Variants in LOXL1 observed in about 807,000 individuals in gnomAD.
LOXL1 encodes the protein lysyl oxidase like 1, also known as lysyl oxidase homolog 1.
A neutral mutation model predicts 62.2 loss-of-function variants in LOXL1; 31 were observed. The ratio of observed to expected loss-of-function variants is 0.50; its 90% CI spans 0.37 to 0.67. The LOEUF (loss-of-function observed/expected upper bound fraction) is 0.67. Among genes scored for constraint, LOXL1 ranks in the 30% least tolerant of loss-of-function variants. The pLI is 0.00. For synonymous variants in LOXL1, 403 were observed against 384.4 expected (o/e 1.05, Z -0.56); for missense variants, 775 against 843.4 (o/e 0.92, Z 1.00).
rs2068743057 is a variant in LOXL1 at position 73,945,737 on chromosome 15, G to C, written c.1212-680G>C. 6.6e-6 allele frequency among the ~76,000 whole-genome samples: 1 copy of C among 151,544 alleles called. No homozygotes were observed. Among genetic ancestry groups the C allele is most frequent in the Non-Finnish European group, 1.5e-5 (1 of 67,914 alleles). On this transcript the variant is annotated intron_variant, in intron 2 of 6. Transcript: ENST00000261921. This position sits in a 1 kb window ranked among gnomAD's most constrained non-coding sequence, Gnocchi z 4.3. Reference sequence around the variant, plus strand: ...TTTTTTTTTTCTTTTTTTTAGAAAGGGGGTCTCACTCTGTTGCCCAGACTG... The same window carrying C: ...TTTTTTTTTTCTTTTTTTTAGAAAGCGGGTCTCACTCTGTTGCCCAGACTG...
intron 3 of LOXL1, 149 bp from the exon 4 acceptor site, chr15:73,946,918 C>T (rs546163345): frequency 1.2e-6 from 1 of 855,676 alleles, no homozygotes; most frequent in East Asian, 2.7e-5. Context: ...GAGGGGCCAC[C>T]CCGCAGTACT....
rs2068789601 is a variant in LOXL1 at position 73,951,821 on chromosome 15, C to T, written c.1719-10C>T. On this transcript the variant is annotated splice_polypyrimidine_tract_variant and intron_variant, in intron 6 of 6. Transcript: ENST00000261921. The stretch of plus-strand genomic sequence containing the variant: ...AGCCCCTCATTGACCCACTGTCTTT[C>T]CTTCCTCAGATCCTGATCTCCGGGA... 7 of 1,550,956 alleles carry T rather than the reference C, an allele frequency of 4.5e-6. No individual in the cohort carries two copies. The highest frequency in any genetic ancestry group is 6.1e-6 in the Non-Finnish European group (7 of 1,144,996).
chr15:73,942,100 G>A (rs1324744966), intron 1 of LOXL1: 1 of 156,970 alleles, frequency 6.4e-6, no homozygotes, highest in Non-Finnish European at 1.4e-5. Context: ...GTGTGGTCAG[G>A]TCTAGGGTGA....
chr15:73,951,263 C>T (rs997576589), intron 6 of LOXL1, among the ~76,000 whole-genome samples: 2 of 152,222 alleles, frequency 1.3e-5, no homozygotes, highest in African/African-American at 2.4e-5. Context: ...AAGCAGCCTG[C>T]GCGGCCCTCC....
chr15:73,936,974 G>A (rs971438334), intron 1 of LOXL1, among the ~76,000 whole-genome samples: 3 of 152,230 alleles, frequency 2.0e-5, no homozygotes, highest in Non-Finnish European at 4.4e-5. Flanking sequence ...GTGTTCAGGG[G>A]CCAGCTAGTT....
chr15:73,930,699 T>C lies in LOXL1; in HGVS notation c.1102+2814T>C, dbSNP rs551501167. 6.6e-6 allele frequency among the ~76,000 whole-genome samples: 1 copy of C among 151,942 alleles called. No individual in the cohort carries two copies. Among genetic ancestry groups the C allele is most frequent in the South Asian group, 2.1e-4 (1 of 4,812 alleles). The stretch of plus-strand genomic sequence containing the variant: ...AGCACCACCCACCTCCCTCCATGGG[T>C]GGGTGGTTTCCAAGCGCCTGTCCTG... On this transcript the variant is annotated intron_variant, in intron 1 of 6. Coordinates refer to ENST00000261921, the MANE Select transcript of LOXL1 (RefSeq NM_005576.4). The surrounding 1 kb of genome is among the most constrained non-coding windows in gnomAD (Gnocchi z 4.7).
chr15:73,939,744 G>A (rs1263004608), intron 1 of LOXL1, among the ~76,000 whole-genome samples: 2 of 152,320 alleles, frequency 1.3e-5, no homozygotes, highest in Middle Eastern at 3.4e-3. Context: ...ATTTCACTGT[G>A]TATAGAGTAC....
At chr15:73,946,583 C>A in intron 3 of LOXL1, 29 bp downstream of exon 3, 3 of 1,581,304 alleles carry the variant, frequency 1.9e-6, no homozygotes, top group Non-Finnish European at 2.6e-6. Flanking sequence ...GGCCCGTCCT[C>A]TTCCACTTCT....
chr15:73,926,497 C>T lies in LOXL1; in HGVS notation c.-287C>T. Reference sequence around the variant, plus strand: ...GGAAAGCGCCAGCCGAGCGGCCAGCCAGTGCGGGGCTGGCCATGTAAGGCC... The same window carrying T: ...GGAAAGCGCCAGCCGAGCGGCCAGCTAGTGCGGGGCTGGCCATGTAAGGCC... On this transcript the variant is annotated 5_prime_UTR_variant, in exon 1 of 7. Transcript: ENST00000261921. The T allele has an allele frequency of 2.9e-6, 1 of 347,706 alleles. No homozygotes were observed. Among genetic ancestry groups the T allele is most frequent in the Non-Finnish European group, 5.2e-6 (1 of 193,508 alleles). 21.5% of individuals were successfully genotyped at this position (347,706 alleles called of 1,614,324 possible). A position where few individuals can be genotyped will look rare whatever the true frequency, so the allele number is the denominator to read the frequency against.
In LOXL1 at chr15:73,927,884, C is replaced by T; in HGVS notation, c.1101C>T (p.Arg367=). 3 of 1,316,966 alleles carry T rather than the reference C, an allele frequency of 2.3e-6. No individual in the cohort carries two copies. Among genetic ancestry groups the T allele is most frequent in the Non-Finnish European group, 2.9e-6 (3 of 1,039,666 alleles). 81.6% of individuals were successfully genotyped at this position (1,316,966 alleles called of 1,614,324 possible). A position where few individuals can be genotyped will look rare whatever the true frequency, so the allele number is the denominator to read the frequency against. The part of the protein sequence containing the change: ...GSVYRPNQNG[R]GLPDLVPDPN... ...TGTACCGGCCCAACCAGAACGGCCG[C>T]GGTGAGTACGGCCCCGGCGCCCCTC... The change falls in exon 1 of 7, where the codon CGC becomes CGT. Residue 367 remains arginine (R), a splice_region_variant and synonymous_variant. Transcript: ENST00000261921.
chr15:73,947,590 A>G (rs567764464), intron 4 of LOXL1: 39 of 518,392 alleles, frequency 7.5e-5, no homozygotes, highest in Non-Finnish European at 1.1e-4. Context: ...TCTGCCATCC[A>G]TCTCGTCCCT....
chr15:73,941,030 C>G (rs761780891), intron 1 of LOXL1, among the ~76,000 whole-genome samples: 1 of 152,098 alleles, frequency 6.6e-6, no homozygotes, highest in Non-Finnish European at 1.5e-5. Flanking sequence ...AGCTACCCCA[C>G]CCTATACGCA....
At chr15:73,928,733 C>A (rs55899956) in intron 1 of LOXL1, among the ~76,000 whole-genome samples, 10,812 of 151,616 alleles carry the variant, frequency 0.071, 463 homozygotes, top group African/African-American at 0.11. Context: ...CGGATCCTGT[C>A]TTTATTTGAT....
In LOXL1 at chr15:73,946,430, C is replaced by A. The variant is rs779333618; in HGVS notation, c.1225C>A (p.Pro409Thr). The change falls in exon 3 of 7, where the codon CCT becomes ACT. Residue 409 changes from proline to threonine, a missense_variant. Transcript: ENST00000261921. ...CCGTCCCTGCAGCACAGCCTATGCC[C>A]CTGAGGCCACCGACTACGATGTGCG... The part of the protein sequence containing the change: ...EKCLASTAYA[P>T]EATDYDVRVL... 6.2e-7 allele frequency: 1 copy of A among 1,613,094 alleles called. No homozygotes were observed. The highest frequency in any genetic ancestry group is 1.1e-5 in the South Asian group (1 of 90,986).
rs200298719 is a variant in LOXL1, at chr15:73,951,857, G to A, written c.*20G>A. The stretch of plus-strand genomic sequence containing the variant: ...TCCTGATCTCCGGGAGGGACAGATG[G>A]CCAATCTCTCCCCTTCCAAAGCAGG... On this transcript the variant is annotated 3_prime_UTR_variant, in exon 7 of 7. Coordinates refer to ENST00000261921, the MANE Select transcript of LOXL1 (RefSeq NM_005576.4). 2,989 of 1,535,712 alleles carry A rather than the reference G, an allele frequency of 1.9e-3. 10 individuals are homozygous for A. The highest frequency in any genetic ancestry group is 2.3e-3 in the Non-Finnish European group (2,664 of 1,136,270).
chr15:73,938,933 C>T (rs948284830), intron 1 of LOXL1, among the ~76,000 whole-genome samples: 6 of 152,134 alleles, frequency 3.9e-5, no homozygotes, highest in Non-Finnish European at 7.3e-5. Flanking sequence ...TGTACCTTCA[C>T]CAGGTCCAGG....
At chr15:73,932,589 GTC>G (rs2068642438) in intron 1 of LOXL1, among the ~76,000 whole-genome samples, 1 of 152,200 alleles carries the variant, frequency 6.6e-6, no homozygotes, top group African/African-American at 2.4e-5. Context: ...GTGTAGCCTG[GTC>G]ATGGTCATTG....
In LOXL1 at chr15:73,943,081, C is replaced by T. The variant is rs1204876816; in HGVS notation, c.1211+119C>T. ...CAAGCTGATGACCCTGGCCAAGTGC[C>T]CCAGCCTCCCAGGACCCTGACCGTT... On this transcript the variant is annotated intron_variant, in intron 2 of 6. Coordinates refer to ENST00000261921, the MANE Select transcript of LOXL1 (RefSeq NM_005576.4). The T allele has an allele frequency of 8.1e-6, 6 of 745,058 alleles. No individual in the cohort carries two copies. In the East Asian group the frequency reaches 1.3e-4, roughly 16 times the overall value. The allele number at this position is 745,058 out of a possible 1,614,324, so 46.2% of individuals were successfully genotyped here.
chr15:73,930,633 G>C lies in LOXL1; in HGVS notation c.1102+2748G>C, dbSNP rs577945208. ...CTGGGCGCTGGCAGCCTGTGAGTGT[G>C]TGTGGGCGTGGACGTGTCCTCACAA... On this transcript the variant is annotated intron_variant, in intron 1 of 6. Coordinates refer to ENST00000261921, the MANE Select transcript of LOXL1 (RefSeq NM_005576.4). The surrounding 1 kb of genome is among the most constrained non-coding windows in gnomAD (Gnocchi z 4.7). Among the ~76,000 whole-genome samples the C allele has an allele frequency of 6.6e-6, 1 of 152,276 alleles. No individual in the cohort carries two copies. Among genetic ancestry groups the C allele is most frequent in the Non-Finnish European group, 1.5e-5 (1 of 68,010 alleles).
Sources: gnomAD v4.1 joint callset for allele counts (sites outside exome capture counted in the v4.1 genomes callset) on GRCh38, gnomAD v4.1.1 for gene constraint, Gnocchi (gnomAD v3.1) non-coding constraint, MANE v1.5 for transcripts, NCBI Gene and HGNC (gene_info 2026-07-23, HGNC 2026-07-21) for gene names.